The following PPP2R1B variants were observed in gnomAD, a reference collection of about 807,000 sequenced individuals.
The protein encoded by PPP2R1B is protein phosphatase 2 scaffold subunit Abeta.
In PPP2R1B, 58 loss-of-function variants were observed where a neutral mutation model predicts 72.7. That is an observed-to-expected ratio of 0.80 (90% confidence interval 0.65 to 0.99). PPP2R1B has a LOEUF of 0.99. Ranked by LOEUF, PPP2R1B falls within the 50% of genes least tolerant of loss-of-function variation. The probability of loss-of-function intolerance (pLI) is 0.00; values close to 1 mark genes in which losing one functional copy is unlikely to be tolerated. For synonymous variants in PPP2R1B, 256 were observed against 264.6 expected (o/e 0.97, Z 0.32); for missense variants, 695 against 733.6 (o/e 0.95, Z 0.61).
At chr11:111,722,497 C>T (rs940875073), downstream of PPP2R1B, among the ~76,000 whole-genome samples, 8 of 152,216 alleles carry the variant, frequency 5.3e-5, no homozygotes, top group Non-Finnish European at 5.9e-5. This position sits in a 1 kb window ranked among gnomAD's most constrained non-coding sequence, Gnocchi z 4.4. Flanking sequence ...CCCAGGCCTG[C>T]GGGCCCGATG....
intron 10 of PPP2R1B, among the ~76,000 whole-genome samples, chr11:111,750,794 C>CT (rs1555047614): frequency 6.6e-6 from 1 of 151,614 alleles, no homozygotes. Context: ...ATAATGTGGA[C>CT]TTTGACCAAA....
chr11:111,739,065 CT>C lies in PPP2R1B; in HGVS notation c.*2530del. On this transcript the variant is annotated 3_prime_UTR_variant, in exon 15 of 15. Transcript: ENST00000527614. ...GGGACCAGAAAAGGGCCACATAAAG[CT>C]TGTTTCCTGAAAGCAGGAAAATCTT... 1 of 985,416 alleles carries C rather than the reference CT, an allele frequency of 1.0e-6. No homozygotes were observed. Among genetic ancestry groups the C allele is most frequent in the East Asian group, 1.1e-4 (1 of 8,818 alleles). 61.0% of individuals were successfully genotyped at this position (985,416 alleles called of 1,614,324 possible).
intron 5 of PPP2R1B, among the ~76,000 whole-genome samples, chr11:111,756,295 T>A (rs1451771751): frequency 6.6e-6 from 1 of 151,768 alleles, no homozygotes; most frequent in Non-Finnish European, 1.5e-5. Flanking sequence ...TAGAAATGAC[T>A]TTGTACTATG....
chr11:111,730,535 G>C (rs1005963128), intron 15 of PPP2R1B: 4 of 152,142 alleles, frequency 2.6e-5, no homozygotes, highest in African/African-American at 7.2e-5. Context: ...CTGGATGTTT[G>C]GTCTGAAAGA....
exon 16 of PPP2R1B, chr11:111,726,922 T>G: frequency 6.3e-7 from 1 of 1,592,664 alleles, no homozygotes; most frequent in Non-Finnish European, 8.6e-7. Flanking sequence ...GTGCAATATG[T>G]GTGGTACTTT....
At chr11:111,698,603 G>A in the PPP2R1B span, among the ~76,000 whole-genome samples, 1 of 152,204 alleles carries the variant, frequency 6.6e-6, no homozygotes, top group Non-Finnish European at 1.5e-5. Context: ...TTAGCCTGGT[G>A]TGGTGGAGCA....
At chr11:111,720,914 GACA>G in the PPP2R1B span, 1 of 1,613,784 alleles carries the variant, frequency 6.2e-7, no homozygotes, top group Non-Finnish European at 8.5e-7. Flanking sequence ...GTAGCATTTA[GACA>G]ACATCTTCAG....
chr11:111,715,292 G>A, the PPP2R1B span, among the ~76,000 whole-genome samples: 1 of 151,950 alleles, frequency 6.6e-6, no homozygotes, highest in Admixed American at 6.5e-5. Flanking sequence ...TCTTTCTTGG[G>A]GCCCATAAAT....
downstream of PPP2R1B, chr11:111,724,460 C>A (rs1001317058): frequency 9.9e-6 from 3 of 303,310 alleles, no homozygotes; most frequent in Non-Finnish European, 1.8e-5. Context: ...GGATTACATC[C>A]GTTTATTATC....
In PPP2R1B at chr11:111,738,095, G is replaced by A. The variant is rs1944392246; in HGVS notation, c.*3501C>T. On this transcript the variant is annotated 3_prime_UTR_variant, in exon 15 of 15. Coordinates refer to ENST00000527614, the MANE Select transcript of PPP2R1B (RefSeq NM_002716.5). ...CTGGAGGGAGACATGCGAGGGAAGA[G>A]GAAAGAGGAGAGTAAGGAACTGGAT... is the stretch of plus-strand genomic sequence containing the variant. 1.0e-6 allele frequency: 1 copy of A among 990,280 alleles called. No individual in the cohort carries two copies. The highest frequency in any genetic ancestry group is 5.7e-5 in the Admixed American group (1 of 17,444). 61.3% of individuals were successfully genotyped at this position (990,280 alleles called of 1,614,324 possible).
At chr11:111,718,927 A>G in the PPP2R1B span, 2 of 152,252 alleles carry the variant, frequency 1.3e-5, no homozygotes, top group African/African-American at 2.4e-5. Flanking sequence ...CACAACCCCC[A>G]TGCCAGTATG....
intron 12 of PPP2R1B, among the ~76,000 whole-genome samples, chr11:111,743,142 C>G (rs536802626): frequency 6.6e-6 from 1 of 152,302 alleles, no homozygotes; most frequent in East Asian, 1.9e-4. Flanking sequence ...GATCTGCCCG[C>G]CTCAGCCTCC....
chr11:111,755,050 G>C lies in PPP2R1B; in HGVS notation c.888C>G (p.Ile296Met). The C allele has an allele frequency of 1.2e-6, 2 of 1,614,102 alleles. No individual in the cohort carries two copies. Among genetic ancestry groups the C allele is most frequent in the Non-Finnish European group, 1.7e-6 (2 of 1,179,960 alleles). Residue 296 changes from isoleucine to methionine, a missense_variant, in exon 7 of 15, where the codon ATC (isoleucine) becomes ATG (methionine). Physicochemically the swap from Ile to Met is conservative, Grantham distance 10. Coordinates refer to ENST00000527614, the MANE Select transcript of PPP2R1B (RefSeq NM_002716.5). The stretch of plus-strand genomic sequence containing the variant: ...CTTTAAGTAGGTTCTGAAAGGCGGG[G>C]ATGAGGTCATTTAGGGTGATTTTAG... ...MGPKITLNDLIPAFQNLLKDC... is the reference protein window; with the variant it reads ...MGPKITLNDLMPAFQNLLKDC...
the PPP2R1B span, among the ~76,000 whole-genome samples, chr11:111,701,915 A>G: frequency 6.6e-6 from 1 of 152,190 alleles, no homozygotes; most frequent in Non-Finnish European, 1.5e-5. This position sits in a 1 kb window ranked among gnomAD's most constrained non-coding sequence, Gnocchi z 4.2. Context: ...GAACTTTATA[A>G]AATTAAAATT....
the PPP2R1B span, among the ~76,000 whole-genome samples, chr11:111,708,864 A>C: frequency 6.6e-6 from 1 of 152,188 alleles, no homozygotes; most frequent in Non-Finnish European, 1.5e-5. Context: ...TCGGGATTGC[A>C]GGACCTGATG....
chr11:111,709,166 A>G, the PPP2R1B span, among the ~76,000 whole-genome samples: 105 of 152,292 alleles, frequency 6.9e-4, no homozygotes, highest in Admixed American at 5.9e-3. Flanking sequence ...GGTGAGGCCT[A>G]TCTTCTTGGC....
chr11:111,725,545 T>C (rs562738939), downstream of PPP2R1B: 5 of 152,776 alleles, frequency 3.3e-5, no homozygotes, highest in Admixed American at 3.3e-4. Flanking sequence ...TGTTACAAAG[T>C]CAGTGTTAAT....
chr11:111,747,949 C>T lies in PPP2R1B; in HGVS notation c.1399+5G>A, dbSNP rs766963341. On this transcript the variant is annotated splice_donor_5th_base_variant and intron_variant, in intron 11 of 14. Coordinates refer to ENST00000527614, the MANE Select transcript of PPP2R1B (RefSeq NM_002716.5). ...GCTTTCAATAATCTGTTTTTATCTA[C>T]TCACCATGGTCCACGAGCCAAGCCA... The T allele has an allele frequency of 3.7e-6, 6 of 1,607,372 alleles. No homozygotes were observed. The South Asian group carries it at 5.5e-5, about 15-fold the overall frequency.
chr11:111,760,914 T>A lies in PPP2R1B; in HGVS notation c.444A>T (p.Ala148=). ...TGCGAGAGGTGAACCAATCCCCACT[T>A]GCTAAGCGTTTCACCAGAGGTACAA... ...AYFVPLVKRL[A]SGDWFTSRTS... The change falls in exon 4 of 15, where the codon GCA becomes GCT. Residue 148 remains alanine, a synonymous_variant. Transcript: ENST00000527614. 1 of 1,614,208 alleles carries A rather than the reference T, an allele frequency of 6.2e-7. No individual in the cohort carries two copies. Among genetic ancestry groups the A allele is most frequent in the Non-Finnish European group, 8.5e-7 (1 of 1,180,044 alleles).
Sources: allele counts gnomAD v4.1 joint callset (sites outside exome capture counted in the v4.1 genomes callset), GRCh38; gene constraint gnomAD v4.1.1; non-coding constraint Gnocchi (gnomAD v3.1); transcripts MANE v1.5; gene names NCBI Gene and HGNC (gene_info 2026-07-23, HGNC 2026-07-21).